Variants in ROBO2 observed in about 807,000 individuals in gnomAD.
ROBO2 encodes roundabout homolog 2.
In ROBO2, 53 loss-of-function variants were observed where a neutral mutation model predicts 160.8. The ratio of observed to expected loss-of-function variants is 0.33; its 90% CI spans 0.26 to 0.41. The LOEUF (loss-of-function observed/expected upper bound fraction) is 0.41, where lower values mean the gene tolerates loss of function less well. ROBO2 is among the 10% of genes least tolerant of loss of function. The probability of loss-of-function intolerance (pLI) is 1.00; values close to 1 mark genes in which losing one functional copy is unlikely to be tolerated. For missense variants in ROBO2, 1,577 were observed against 1,722.4 expected (o/e 0.92, Z 1.49); for synonymous variants, 664 against 611.7 (o/e 1.09, Z -1.26).
rs1432975623 is a variant in ROBO2, at chr3:77,064,166, T to C, written c.61+23320T>C. On this transcript the variant is annotated intron_variant, in intron 1 of 25. Transcript: ENST00000461745. ...TGTTATAAACGTTTGATTTTATTTT[T>C]AAAATTACCTTAAAAATGTATTAAA... is the stretch of plus-strand genomic sequence containing the variant. Among the ~76,000 whole-genome samples the C allele has an allele frequency of 2.0e-5, 3 of 152,196 alleles. 1 individual carries two copies. The highest frequency in any genetic ancestry group is 4.4e-5 in the Non-Finnish European group (3 of 68,030).
chr3:75,938,820 A>T (rs930080578), intron 2 of ROBO2, among the ~76,000 whole-genome samples: 1 of 152,158 alleles, frequency 6.6e-6, no homozygotes, highest in African/African-American at 2.4e-5. Context: ...GTTAATTAAG[A>T]TCAGCTTTGA....
Position 77,040,084 on chromosome 3 carries a change from C to T in ROBO2, c.-702C>T. The T allele has an allele frequency of 2.1e-6, 2 of 961,386 alleles. No individual in the cohort carries two copies. Among genetic ancestry groups the T allele is most frequent in the Non-Finnish European group, 2.5e-6 (2 of 808,388 alleles). The allele number at this position is 961,386 out of a possible 1,614,324, so 59.6% of individuals were successfully genotyped here. A position where few individuals can be genotyped will look rare whatever the true frequency, so the allele number is the denominator to read the frequency against. ...CCTCCCTCCCTCCCTCGCTCCTTCCCTGCCTCCCTCACCACGTAGGAGTTC... is the reference window on the plus strand; with the variant it reads ...CCTCCCTCCCTCCCTCGCTCCTTCCTTGCCTCCCTCACCACGTAGGAGTTC... On this transcript the variant is annotated 5_prime_UTR_variant, in exon 1 of 26. Transcript: ENST00000461745.
intron 2 of ROBO2, among the ~76,000 whole-genome samples, chr3:76,089,881 A>T (rs1186952174): frequency 6.6e-6 from 1 of 152,132 alleles, no homozygotes; most frequent in Non-Finnish European, 1.5e-5. Context: ...GAATAAATAA[A>T]ACTTTCCTTG....
intron 2 of ROBO2, among the ~76,000 whole-genome samples, chr3:77,358,922 T>C (rs1167133413): frequency 2.0e-5 from 3 of 152,188 alleles, no homozygotes; most frequent in African/African-American, 7.2e-5. Context: ...GCACAGTCAT[T>C]GTAGGAAAAT....
chr3:77,386,742 A>C (rs1391635414), intron 2 of ROBO2, among the ~76,000 whole-genome samples: 2 of 150,982 alleles, frequency 1.3e-5, no homozygotes, highest in African/African-American at 4.9e-5. Context: ...AGCTGGGATT[A>C]CAGGCGCCCA....
chr3:77,317,539 TC>T, intron 2 of ROBO2: 1 of 1,400,346 alleles, frequency 7.1e-7, no homozygotes. Flanking sequence ...ATTAAGCCAA[TC>T]CATAGCCCTT....
At chr3:76,598,365 G>C (rs1215979656) in intron 2 of ROBO2, among the ~76,000 whole-genome samples, 1 of 152,042 alleles carries the variant, frequency 6.6e-6, no homozygotes, top group Non-Finnish European at 1.5e-5. Flanking sequence ...AGACTTCTGA[G>C]GAGCTGGAAC....
intron 1 of ROBO2, among the ~76,000 whole-genome samples, chr3:77,097,017 A>G (rs1158606366): frequency 6.6e-6 from 1 of 152,224 alleles, no homozygotes; most frequent in Non-Finnish European, 1.5e-5. Flanking sequence ...AATACAGACT[A>G]CAAGTATCTT....
At chr3:77,166,953 T>C (rs557981954) in intron 2 of ROBO2, among the ~76,000 whole-genome samples, 5 of 152,328 alleles carry the variant, frequency 3.3e-5, no homozygotes, top group Admixed American at 2.0e-4. Context: ...AAATGTCAAC[T>C]CATTGCTATT....
intron 2 of ROBO2, among the ~76,000 whole-genome samples, chr3:76,661,471 G>A (rs2091817095): frequency 6.6e-6 from 1 of 152,148 alleles, no homozygotes; most frequent in Non-Finnish European, 1.5e-5. Context: ...ACTCAAGATG[G>A]TCAGGTCACA....
At chr3:77,226,775 C>T (rs2151246867) in intron 2 of ROBO2, among the ~76,000 whole-genome samples, 1 of 152,194 alleles carries the variant, frequency 6.6e-6, no homozygotes, top group African/African-American at 2.4e-5. Context: ...CACACAAAGC[C>T]TACAATAAAG....
chr3:76,667,656 T>A (rs1414221896), intron 2 of ROBO2, among the ~76,000 whole-genome samples: 1 of 136,862 alleles, frequency 7.3e-6, no homozygotes, highest in African/African-American at 2.6e-5. Context: ...CTGTTTTTGG[T>A]AAATATAATT....
At chr3:76,567,089 A>C (rs2084573623) in intron 2 of ROBO2, among the ~76,000 whole-genome samples, 1 of 152,224 alleles carries the variant, frequency 6.6e-6, no homozygotes, top group East Asian at 1.9e-4. Context: ...GAAAACCAAA[A>C]TAAAGCTGTG....
At chr3:76,323,937 A>G (rs1463041653) in intron 2 of ROBO2, among the ~76,000 whole-genome samples, 1 of 152,160 alleles carries the variant, frequency 6.6e-6, no homozygotes, top group East Asian at 1.9e-4. Context: ...TAAAAGTTTT[A>G]AGAGATAAGA....
intron 2 of ROBO2, among the ~76,000 whole-genome samples, chr3:76,744,055 GAAAACAACATCAGCA>G (rs1408290435): frequency 6.6e-6 from 1 of 152,092 alleles, no homozygotes; most frequent in Non-Finnish European, 1.5e-5. Flanking sequence ...ACAACAATAT[GAAAACAACATCAGCA>G]GATTAGGGAG....
chr3:76,141,606 T>G (rs1015544726), intron 2 of ROBO2, among the ~76,000 whole-genome samples: 4 of 151,900 alleles, frequency 2.6e-5, no homozygotes, highest in African/African-American at 9.7e-5. Context: ...CTTTAGAATT[T>G]AAGATAATTA....
chr3:77,012,658 A>C (rs2061991188), intron 2 of ROBO2, among the ~76,000 whole-genome samples: 1 of 152,188 alleles, frequency 6.6e-6, no homozygotes, highest in Non-Finnish European at 1.5e-5. Flanking sequence ...TGTCTACTGA[A>C]ATCTTGTAAA....
chr3:76,665,885 T>C (rs533820276), intron 2 of ROBO2, among the ~76,000 whole-genome samples: 92 of 132,634 alleles, frequency 6.9e-4, no homozygotes, highest in African/African-American at 7.2e-4. Flanking sequence ...ATTATATATA[T>C]AATATATACA....
At chr3:76,247,187 G>A (rs748428810) in intron 2 of ROBO2, among the ~76,000 whole-genome samples, 23 of 152,042 alleles carry the variant, frequency 1.5e-4, no homozygotes, top group African/African-American at 3.6e-4. Context: ...GACTTCTTAC[G>A]TGTGTTCAAT....
Sources: gnomAD v4.1 joint callset for allele counts (sites outside exome capture counted in the v4.1 genomes callset) on GRCh38, gnomAD v4.1.1 for gene constraint, MANE v1.5 for transcripts, NCBI Gene and HGNC (gene_info 2026-07-23, HGNC 2026-07-21) for gene names.